Variants in ADD3 observed in about 807,000 individuals in gnomAD.
ADD3 encodes adducin 3.
A neutral mutation model predicts 80.2 loss-of-function variants in ADD3; 25 were observed. The observed-to-expected ratio is 0.31, with a 90% CI of 0.23 to 0.44. The LOEUF (loss-of-function observed/expected upper bound fraction) is 0.44. ADD3 is among the 20% of genes least tolerant of loss of function. ADD3 has a pLI of 1.00. For synonymous variants in ADD3, 284 were observed against 289.6 expected (o/e 0.98, Z 0.20); for missense variants, 829 against 847.5 (o/e 0.98, Z 0.27).
At chr10:110,062,707 G>A (rs968288573) in intron 1 of ADD3, among the ~76,000 whole-genome samples, 9 of 152,184 alleles carry the variant, frequency 5.9e-5, no homozygotes, top group African/African-American at 1.4e-4. Context: ...GTTTTTTCTA[G>A]GAATCTTCCT....
At position 110,071,107 on chromosome 10, in the gene ADD3, G is replaced by C. The variant is rs548041270; in HGVS notation, c.-29-29518G>C. 6.6e-5 allele frequency among the ~76,000 whole-genome samples: 10 copies of C among 150,924 alleles called. 1 individual carries two copies. The East Asian group carries it at 1.9e-3, about 29-fold the overall frequency. ...CATTATTGATACTTAAATTTCCCAA[G>C]ATTAAAAAAAAATTGGGGGAATGGC... is the stretch of plus-strand genomic sequence containing the variant. On this transcript the variant is annotated intron_variant, in intron 1 of 14. Transcript: ENST00000356080.
chr10:110,028,031 C>A (rs1208459062), intron 1 of ADD3, among the ~76,000 whole-genome samples: 2 of 152,128 alleles, frequency 1.3e-5, no homozygotes, highest in East Asian at 3.9e-4. Flanking sequence ...AAGTTAGCTA[C>A]CTTCTCTGAG....
At position 110,130,533 on chromosome 10, in the gene ADD3, A is replaced by C. The variant is rs184846676; in HGVS notation, c.1732+47A>C. 152 of 1,594,166 alleles carry C rather than the reference A, an allele frequency of 9.5e-5. 1 individual carries two copies. In the African/African-American group the frequency reaches 1.9e-3, roughly 20 times the overall value. ...ACCTAGGGTAAGCCACACTGATAAC[A>C]ATAAAGTACCTCACGTTGGATGATA... is the stretch of plus-strand genomic sequence containing the variant. On this transcript the variant is annotated intron_variant, in intron 13 of 14. Transcript: ENST00000356080.
chr10:110,019,357 C>CT (rs11392689), intron 1 of ADD3, among the ~76,000 whole-genome samples: 13,127 of 138,170 alleles, frequency 0.095, 1,868 homozygotes, highest in African/African-American at 0.31. Flanking sequence ...TTTCTGTTTG[C>CT]TTTTTTTTTT....
chr10:110,109,836 C>A (rs1445028520), intron 2 of ADD3, among the ~76,000 whole-genome samples: 1 of 152,088 alleles, frequency 6.6e-6, no homozygotes, highest in African/African-American at 2.4e-5. Context: ...GTCCATCTAT[C>A]TTGTATACAG....
chr10:110,059,365 A>C (rs1171059223), intron 1 of ADD3, among the ~76,000 whole-genome samples: 1 of 151,510 alleles, frequency 6.6e-6, no homozygotes, highest in Non-Finnish European at 1.5e-5. Context: ...CCAGCTACTC[A>C]GGAGGCTGAC....
chr10:110,062,261 G>C (rs969124347), intron 1 of ADD3, among the ~76,000 whole-genome samples: 9 of 145,426 alleles, frequency 6.2e-5, no homozygotes, highest in African/African-American at 2.3e-4. Flanking sequence ...GGGCATGGTG[G>C]CACATGCTTG....
chr10:110,105,165 C>T (rs1328185257), intron 2 of ADD3, among the ~76,000 whole-genome samples: 2 of 152,070 alleles, frequency 1.3e-5, no homozygotes, highest in Non-Finnish European at 2.9e-5. Flanking sequence ...CTAGGAATTT[C>T]ACAGCCTTTT....
At chr10:110,128,095 C>T (rs1431662259) in intron 12 of ADD3, among the ~76,000 whole-genome samples, 1 of 139,002 alleles carries the variant, frequency 7.2e-6, no homozygotes, top group Non-Finnish European at 1.5e-5. Context: ...TTCTGCATCC[C>T]TGCTGTTCTG....
chr10:110,054,876 C>T (rs932532236), intron 1 of ADD3, among the ~76,000 whole-genome samples: 2 of 151,760 alleles, frequency 1.3e-5, no homozygotes, highest in African/African-American at 4.8e-5. Flanking sequence ...GGCCTCCCAA[C>T]GTGCTGGGCT....
At chr10:110,071,762 C>T (rs1418566793) in intron 1 of ADD3, among the ~76,000 whole-genome samples, 1 of 152,218 alleles carries the variant, frequency 6.6e-6, no homozygotes, top group Non-Finnish European at 1.5e-5. Flanking sequence ...AATACAACCT[C>T]ACTAGTTTGG....
At chr10:110,049,831 G>A (rs578116347) in intron 1 of ADD3, among the ~76,000 whole-genome samples, 1 of 151,002 alleles carries the variant, frequency 6.6e-6, no homozygotes, top group South Asian at 2.1e-4. Flanking sequence ...AGCTTGCAGT[G>A]AGCCGAGATC....
intron 1 of ADD3, among the ~76,000 whole-genome samples, chr10:110,031,716 G>A (rs947731315): frequency 6.6e-6 from 1 of 151,354 alleles, no homozygotes; most frequent in African/African-American, 2.4e-5. Flanking sequence ...CTAGTGAGTG[G>A]CCTAGATGTT....
At chr10:110,112,684 A>G (rs1406946426) in intron 2 of ADD3, 93 bp from the exon 3 acceptor site, 23 of 1,432,620 alleles carry the variant, frequency 1.6e-5, no homozygotes, top group Non-Finnish European at 2.2e-5. Context: ...AGCTATTCAG[A>G]AAAGGGATGG....
intron 5 of ADD3, 121 bp downstream of exon 5, chr10:110,117,543 A>G (rs1468587802): frequency 3.2e-6 from 2 of 627,544 alleles, no homozygotes; most frequent in African/African-American, 1.9e-5. Flanking sequence ...ACTAGTGAAC[A>G]GTGAAGGGAA....
At chr10:110,092,377 A>G (rs1189450942) in intron 1 of ADD3, among the ~76,000 whole-genome samples, 1 of 152,224 alleles carries the variant, frequency 6.6e-6, no homozygotes, top group African/African-American at 2.4e-5. Context: ...ACCTTCGAAT[A>G]CTATGCAACC....
intron 2 of ADD3, among the ~76,000 whole-genome samples, chr10:110,101,195 G>GT (rs1033934850): frequency 3.7e-4 from 56 of 152,280 alleles, no homozygotes; most frequent in African/African-American, 1.3e-3. Context: ...TCCCATGCAC[G>GT]TATTTTCTTC....
At chr10:110,116,450 C>T (rs1277496007) in intron 4 of ADD3, 40 bp downstream of exon 4, 1 of 1,605,902 alleles carries the variant, frequency 6.2e-7, no homozygotes, top group African/African-American at 1.3e-5. Context: ...TAAAAAATTC[C>T]AGCTAGAAGG....
intron 1 of ADD3, among the ~76,000 whole-genome samples, chr10:110,057,273 T>G (rs1858316742): frequency 6.6e-6 from 1 of 152,230 alleles, no homozygotes; most frequent in African/African-American, 2.4e-5. Context: ...TAGTTGCCAG[T>G]AATTTTTCCT....
Sources: allele counts gnomAD v4.1 joint callset (sites outside exome capture counted in the v4.1 genomes callset), GRCh38; gene constraint gnomAD v4.1.1; transcripts MANE v1.5; gene names NCBI Gene and HGNC (gene_info 2026-07-23, HGNC 2026-07-21).